The following CFAP99 variants were observed in gnomAD, a reference collection of about 807,000 sequenced individuals.
CFAP99 encodes cilia- and flagella-associated protein 99.
Under a neutral mutation model 82.7 loss-of-function variants are expected in CFAP99, and 84 were observed. The observed-to-expected ratio is 1.02, with a 90% confidence interval of 0.85 to 1.22. The LOEUF is 1.22. Among genes scored for constraint, CFAP99 ranks in the 50% most tolerant of loss-of-function variants. CFAP99 has a pLI of 0.00. For missense variants in CFAP99, 1,059 were observed against 983.5 expected, an observed-to-expected ratio of 1.08 and a Z score of -1.03; for synonymous variants, 456 against 429.5, an observed-to-expected ratio of 1.06 and a Z score of -0.76.
intron 1 of CFAP99, among the ~76,000 whole-genome samples, chr4:2,421,220 A>T (rs1011350341): frequency 1.3e-5 from 2 of 152,192 alleles, no homozygotes; most frequent in Non-Finnish European, 2.9e-5. Context: ...ATCTTAGGTA[A>T]ATGAGTTATC....
intron 6 of CFAP99, among the ~76,000 whole-genome samples, chr4:2,447,157 G>A (rs562976087): frequency 3.3e-5 from 5 of 151,858 alleles, no homozygotes; most frequent in African/African-American, 1.2e-4. Flanking sequence ...TGGGTAGATG[G>A]ATGAGCAGAT....
chr4:2,419,601 C>T (rs1189697421), intron 1 of CFAP99, among the ~76,000 whole-genome samples: 4 of 152,184 alleles, frequency 2.6e-5, no homozygotes, highest in African/African-American at 4.8e-5. Context: ...AGATGGAAGT[C>T]ATGCCCCCCT....
intron 1 of CFAP99, among the ~76,000 whole-genome samples, chr4:2,424,275 G>A (rs1733640661): frequency 6.6e-6 from 1 of 152,188 alleles, no homozygotes; most frequent in Non-Finnish European, 1.5e-5. Context: ...ACAAAAATTA[G>A]CCACATGGTG....
chr4:2,428,897 C>T (rs971481746), intron 2 of CFAP99: 3 of 152,338 alleles, frequency 2.0e-5, no homozygotes, highest in Non-Finnish European at 4.4e-5. Flanking sequence ...CCGTGTGACA[C>T]GTCAGTAGAT....
chr4:2,460,114 G>A, exon 14 of CFAP99: 1 of 1,536,104 alleles, frequency 6.5e-7, no homozygotes, highest in Non-Finnish European at 8.7e-7. Flanking sequence ...AAGAGAATCA[G>A]CGGCGCAAGG....
At chr4:2,443,917 GC>G (rs889858975) in intron 5 of CFAP99, among the ~76,000 whole-genome samples, 8 of 152,098 alleles carry the variant, frequency 5.3e-5, no homozygotes, top group African/African-American at 1.9e-4. Context: ...CAGCTGAGGG[GC>G]CCCCCAGTTT....
intron 8 of CFAP99, 41 bp from the exon 9 acceptor site, chr4:2,450,906 G>T: frequency 1.3e-6 from 2 of 1,513,048 alleles, no homozygotes; most frequent in Non-Finnish European, 1.8e-6. Context: ...CACCCAGCAG[G>T]CACAGGTGCC....
At chr4:2,420,163 T>C (rs188608156) in intron 1 of CFAP99, among the ~76,000 whole-genome samples, 1 of 151,984 alleles carries the variant, frequency 6.6e-6, no homozygotes, top group African/African-American at 2.4e-5. Flanking sequence ...ATGCCTCCCC[T>C]GCTCACCGAC....
chr4:2,445,363 C>T, intron 6 of CFAP99, 55 bp downstream of exon 6: 1 of 1,272,774 alleles, frequency 7.9e-7, no homozygotes, highest in Non-Finnish European at 9.9e-7. Flanking sequence ...GGTAGCCAAG[C>T]TGGGAGAGTG....
intron 11 of CFAP99, among the ~76,000 whole-genome samples, chr4:2,455,210 T>G (rs1734399964): frequency 6.6e-6 from 1 of 152,278 alleles, no homozygotes; most frequent in Admixed American, 6.5e-5. Flanking sequence ...TAATGTTCTT[T>G]ATATGTTAGG....
At chr4:2,433,532 C>T (rs970859088) in intron 2 of CFAP99, among the ~76,000 whole-genome samples, 1 of 152,132 alleles carries the variant, frequency 6.6e-6, no homozygotes, top group Non-Finnish European at 1.5e-5. Flanking sequence ...AGCCAGCCCC[C>T]CGCAGGATCC....
intron 10 of CFAP99, 105 bp from the exon 11 acceptor site, chr4:2,452,037 A>T (rs1734313976): frequency 1.7e-6 from 2 of 1,167,592 alleles, no homozygotes; most frequent in South Asian, 2.8e-5. Context: ...CAGGAGTAGC[A>T]GCCCACGCCT....
At chr4:2,422,440 A>AT (rs958487412) in intron 1 of CFAP99, among the ~76,000 whole-genome samples, 18 of 152,060 alleles carry the variant, frequency 1.2e-4, no homozygotes, top group African/African-American at 4.4e-4. Context: ...TCCGCCCTGG[A>AT]TTGGGGGGCG....
intron 10 of CFAP99, among the ~76,000 whole-genome samples, 189 bp downstream of exon 10, chr4:2,451,541 T>A (rs550446676): frequency 6.6e-6 from 1 of 152,058 alleles, no homozygotes; most frequent in South Asian, 2.1e-4. Context: ...CTTACAAAGA[T>A]CATGCCGGCT....
At chr4:2,426,668 T>G (rs1214433669) in intron 2 of CFAP99, 82 bp downstream of exon 2, 1 of 881,302 alleles carries the variant, frequency 1.1e-6, no homozygotes, top group African/African-American at 1.7e-5. Flanking sequence ...ATCAAATGCC[T>G]TCCTAACGAC....
At chr4:2,452,687 A>C (rs540607967) in intron 11 of CFAP99, among the ~76,000 whole-genome samples, 1 of 152,142 alleles carries the variant, frequency 6.6e-6, no homozygotes, top group East Asian at 1.9e-4. Flanking sequence ...GGTCACTCAG[A>C]TTGCTTCTTT....
chr4:2,451,440 C>A (rs961026677), intron 10 of CFAP99, 88 bp downstream of exon 10: 12 of 1,306,216 alleles, frequency 9.2e-6, no homozygotes, highest in Non-Finnish European at 1.3e-5. Flanking sequence ...GGCTGGGCAG[C>A]TCAGTGGAGA....
At position 2,462,582 on chromosome 4, in the gene CFAP99, C is replaced by T; in HGVS notation, c.1801C>T (p.Arg601Trp). Residue 601 changes from arginine (R) to tryptophan (W), a missense_variant, in exon 15 of 15, where the codon CGG (arginine) becomes TGG (tryptophan). Arg to Trp is a moderately radical substitution (Grantham distance 101). Transcript: ENST00000635017. The surrounding 1 kb of genome is among the most constrained non-coding windows in gnomAD (Gnocchi z 4.1). ...GGCCTTGCTGCACGTGTCGGCGCCG[C>T]GGACCGCGCGCCCCAAGCCCCGGGT... 7.0e-7 allele frequency: 1 copy of T among 1,428,748 alleles called. No individual in the cohort carries two copies. Among genetic ancestry groups the T allele is most frequent in the Non-Finnish European group, 9.1e-7 (1 of 1,094,230 alleles). 88.5% of individuals were successfully genotyped at this position (1,428,748 alleles called of 1,614,324 possible). A position where few individuals can be genotyped will look rare whatever the true frequency, so the allele number is the denominator to read the frequency against.
At chr4:2,461,149 T>A (rs1487205008) in intron 14 of CFAP99, among the ~76,000 whole-genome samples, 1 of 152,230 alleles carries the variant, frequency 6.6e-6, no homozygotes, top group African/African-American at 2.4e-5. Context: ...TTTTACTTGT[T>A]TGGGGGACAG....
Sources: allele counts gnomAD v4.1 joint callset (sites outside exome capture counted in the v4.1 genomes callset), GRCh38; gene constraint gnomAD v4.1.1; non-coding constraint Gnocchi (gnomAD v3.1); transcripts MANE v1.5; gene names NCBI Gene and HGNC (gene_info 2026-07-23, HGNC 2026-07-21).